WDR76: variants seen among roughly 807,000 people sequenced by gnomAD.
WDR76 encodes WD repeat-containing protein 76.
Under a neutral mutation model 70.2 loss-of-function variants are expected in WDR76, and 52 were observed. The observed-to-expected ratio is 0.74, with a 90% CI of 0.59 to 0.93. WDR76 has a LOEUF of 0.93. WDR76 is among the 40% of genes least tolerant of loss of function. WDR76 has a pLI of 0.00. For synonymous variants in WDR76, 292 were observed against 271.1 expected, an observed-to-expected ratio of 1.08 and a Z score of -0.76; for missense variants, 756 against 760.2, an observed-to-expected ratio of 0.99 and a Z score of 0.07.
intron 12 of WDR76, 142 bp from the exon 13 acceptor site, chr15:43,865,986 G>A: frequency 1.1e-6 from 1 of 946,676 alleles, no homozygotes; most frequent in South Asian, 1.7e-5. Flanking sequence ...ATGAGGTAAG[G>A]TTGGTGGTAA....
At chr15:43,840,815 C>CA (rs531023044) in intron 5 of WDR76, among the ~76,000 whole-genome samples, 112 of 151,614 alleles carry the variant, frequency 7.4e-4, no homozygotes, top group East Asian at 6.2e-3. Flanking sequence ...CCTGTTCTTA[C>CA]AAAAAAAATA....
intron 8 of WDR76, among the ~76,000 whole-genome samples, chr15:43,844,952 AAG>A (rs1356660654): frequency 3.6e-5 from 5 of 139,996 alleles, no homozygotes; most frequent in African/African-American, 1.3e-4. Context: ...AAAAAAAAAA[AAG>A]ATCAAAGTTT....
In WDR76 at chr15:43,855,865, C is replaced by T. The variant is rs907135225; in HGVS notation, c.1192-1081C>T. ...CTCTGTCTCAAAAAAAAAAAAAACA[C>T]GCTCATGATAAAATATTTACAGTAA... is the stretch of plus-strand genomic sequence containing the variant. On this transcript the variant is annotated intron_variant, in intron 9 of 12. Coordinates refer to ENST00000263795, the MANE Select transcript of WDR76 (RefSeq NM_024908.4). 1.1e-4 allele frequency among the ~76,000 whole-genome samples: 17 copies of T among 150,608 alleles called. 1 individual carries two copies. The South Asian group carries it at 2.1e-3, about 19-fold the overall frequency.
At position 43,858,711 on chromosome 15, in the gene WDR76, A is replaced by G; in HGVS notation, c.1450A>G (p.Arg484Gly). 1 of 1,614,136 alleles carries G rather than the reference A, an allele frequency of 6.2e-7. No homozygotes were observed. Among genetic ancestry groups the G allele is most frequent in the Non-Finnish European group, 8.5e-7 (1 of 1,180,032 alleles). ...IYDARRLNSR[R>G]SQPLISLTEH... ...TGATGCAAGGCGATTGAATTCCAGG[A>G]GAAGTCAGCCTTTGATTTCTTTGAC... The change falls in exon 11 of 13, where the codon AGA becomes GGA. Residue 484 changes from arginine (R) to glycine (G), a missense_variant. Arg to Gly is a moderately radical substitution (Grantham distance 125). Coordinates refer to ENST00000263795, the MANE Select transcript of WDR76 (RefSeq NM_024908.4).
At chr15:43,855,329 A>G (rs1190527370) in intron 9 of WDR76, among the ~76,000 whole-genome samples, 1 of 152,254 alleles carries the variant, frequency 6.6e-6, no homozygotes, top group Non-Finnish European at 1.5e-5. Flanking sequence ...AAACTGAGGC[A>G]GAGAGGTTTA....
At chr15:43,863,954 GTAAC>G (rs2140315074) in intron 12 of WDR76, 1 of 152,270 alleles carries the variant, frequency 6.6e-6, no homozygotes, top group African/African-American at 2.4e-5. Context: ...AGTTTTATCT[GTAAC>G]TGACTGTGAA....
intron 4 of WDR76, among the ~76,000 whole-genome samples, chr15:43,838,067 G>A (rs2087680004): frequency 6.6e-6 from 1 of 152,020 alleles, no homozygotes; most frequent in South Asian, 2.1e-4. Context: ...AGTAGACGGG[G>A]TTTCACCGTG....
At chr15:43,846,422 C>T (rs2087789432) in intron 8 of WDR76, among the ~76,000 whole-genome samples, 1 of 148,958 alleles carries the variant, frequency 6.7e-6, no homozygotes, top group South Asian at 2.1e-4. Context: ...GTAGCTGGGA[C>T]TACGGTCATG....
chr15:43,855,469 T>C (rs575201009), intron 9 of WDR76, among the ~76,000 whole-genome samples: 1 of 152,348 alleles, frequency 6.6e-6, no homozygotes, highest in South Asian at 2.1e-4. Flanking sequence ...TATTGGTCTT[T>C]TTGTGGGGTG....
intron 4 of WDR76, among the ~76,000 whole-genome samples, chr15:43,836,611 T>C (rs1173924877): frequency 6.6e-6 from 1 of 152,238 alleles, no homozygotes; most frequent in African/African-American, 2.4e-5. Context: ...TTAACATTTA[T>C]TGAATATCTC....
chr15:43,847,650 T>C (rs2087805688), intron 8 of WDR76, among the ~76,000 whole-genome samples: 1 of 152,118 alleles, frequency 6.6e-6, no homozygotes, highest in African/African-American at 2.4e-5. Flanking sequence ...CTTGAACTCC[T>C]GACCTTGTAA....
chr15:43,842,107 C>T (rs960141972), intron 5 of WDR76, among the ~76,000 whole-genome samples: 3 of 152,124 alleles, frequency 2.0e-5, no homozygotes, highest in African/African-American at 7.2e-5. Flanking sequence ...ACCTTGTGAT[C>T]CGCCTGCCTC....
At chr15:43,838,492 T>C (rs2087685104) in intron 4 of WDR76, among the ~76,000 whole-genome samples, 1 of 152,256 alleles carries the variant, frequency 6.6e-6, no homozygotes, top group African/African-American at 2.4e-5. Context: ...GGCTATTGAT[T>C]TATAGTTTTA....
Position 43,861,222 on chromosome 15 carries a change from C to T in WDR76, c.1563-111C>T, listed in dbSNP as rs983915077. The T allele has an allele frequency of 3.3e-6, 3 of 917,924 alleles. No homozygotes were observed. The Admixed American group carries it at 5.9e-5, about 18-fold the overall frequency. 56.9% of individuals were successfully genotyped at this position (917,924 alleles called of 1,614,324 possible). On this transcript the variant is annotated intron_variant, in intron 11 of 12. Transcript: ENST00000263795. ...CCTGATCCTACATATTTTTAAGTGA[C>T]AGTTATATATTTCATACCATGAATT...
At chr15:43,840,117 C>T (rs1395913955) in intron 5 of WDR76, among the ~76,000 whole-genome samples, 1 of 152,078 alleles carries the variant, frequency 6.6e-6, no homozygotes, top group Non-Finnish European at 1.5e-5. Flanking sequence ...CCTCGGCCTC[C>T]CAAAGTGCTG....
At chr15:43,853,648 G>A (rs1021561660) in intron 9 of WDR76, among the ~76,000 whole-genome samples, 4 of 152,044 alleles carry the variant, frequency 2.6e-5, no homozygotes, top group African/African-American at 9.7e-5. Context: ...GCTCACCCCT[G>A]TAATCCCAGA....
At chr15:43,856,097 C>T (rs2087923411) in intron 9 of WDR76, among the ~76,000 whole-genome samples, 1 of 152,082 alleles carries the variant, frequency 6.6e-6, no homozygotes, top group African/African-American at 2.4e-5. Context: ...ATATCTTGGA[C>T]AGTTAATACT....
intron 11 of WDR76, 123 bp from the exon 12 acceptor site, chr15:43,861,210 A>G (rs1194301819): frequency 7.0e-6 from 6 of 856,086 alleles, no homozygotes; most frequent in Non-Finnish European, 1.1e-5. Flanking sequence ...GATCCTACAT[A>G]TTTTTAAGTG....
chr15:43,836,545 T>C (rs1035943673), intron 4 of WDR76, among the ~76,000 whole-genome samples: 4 of 152,188 alleles, frequency 2.6e-5, no homozygotes, highest in Admixed American at 2.0e-4. Context: ...TTTCTGGCTA[T>C]CTTTTTGCGT....
Sources: allele counts gnomAD v4.1 joint callset (sites outside exome capture counted in the v4.1 genomes callset), GRCh38; gene constraint gnomAD v4.1.1; transcripts MANE v1.5; gene names NCBI Gene and HGNC (gene_info 2026-07-23, HGNC 2026-07-21).